The following CGAS variants were observed in gnomAD, a reference collection of about 807,000 sequenced individuals.
CGAS encodes 2'3'-cGAMP synthase.
A neutral mutation model predicts 34.0 loss-of-function variants in CGAS; 31 were observed. The observed-to-expected ratio is 0.91, with a 90% CI of 0.69 to 1.23. The LOEUF is 1.23. Among genes scored for constraint, CGAS ranks in the 50% most tolerant of loss-of-function variants. The pLI is 0.00. For missense variants in CGAS, 597 were observed against 657.6 expected, an observed-to-expected ratio of 0.91 and a Z score of 1.01; for synonymous variants, 266 against 260.0, an observed-to-expected ratio of 1.02 and a Z score of -0.22.
At chr6:73,436,114 C>T (rs1244619046) in intron 3 of CGAS, among the ~76,000 whole-genome samples, 2 of 151,734 alleles carry the variant, frequency 1.3e-5, no homozygotes, top group South Asian at 2.1e-4. Context: ...AGGAGTTCAG[C>T]TCCAAGAAGA....
At chr6:73,447,088 T>C (rs1770485541) in intron 1 of CGAS, among the ~76,000 whole-genome samples, 1 of 152,220 alleles carries the variant, frequency 6.6e-6, no homozygotes, top group South Asian at 2.1e-4. Flanking sequence ...TTAATCAGTT[T>C]GTCAATTTAA....
At chr6:73,435,058 C>T (rs755821695) in intron 3 of CGAS, among the ~76,000 whole-genome samples, 1 of 151,958 alleles carries the variant, frequency 6.6e-6, no homozygotes, top group African/African-American at 2.4e-5. Context: ...TGCAGTGGCA[C>T]GTGTCTGTAG....
intron 3 of CGAS, among the ~76,000 whole-genome samples, chr6:73,430,015 A>G (rs1044800417): frequency 6.6e-6 from 1 of 152,134 alleles, no homozygotes; most frequent in Non-Finnish European, 1.5e-5. Context: ...GTCTCAATAG[A>G]TGAAGAAAAT....
chr6:73,435,948 A>AT (rs1379175890), intron 3 of CGAS, among the ~76,000 whole-genome samples: 2 of 152,038 alleles, frequency 1.3e-5, no homozygotes, highest in African/African-American at 2.4e-5. Context: ...ACAGCTTATA[A>AT]TTTTTTTGCA....
intron 4 of CGAS, among the ~76,000 whole-genome samples, chr6:73,426,211 A>G (rs1770083639): frequency 6.6e-6 from 1 of 151,820 alleles, no homozygotes; most frequent in Admixed American, 6.6e-5. Flanking sequence ...TGAACCCAGG[A>G]GGCAGAGGTT....
In CGAS at chr6:73,425,155, T is replaced by G. The variant is rs1392123364; in HGVS notation, c.*72A>C. On this transcript the variant is annotated 3_prime_UTR_variant, in exon 5 of 5. Transcript: ENST00000370315. ...GGTGTGAGCCACAGCGTCTGGCCCCTTTTCAAATTTTTCTTGTATTCTCCA... is the reference window on the plus strand; with the variant it reads ...GGTGTGAGCCACAGCGTCTGGCCCCGTTTCAAATTTTTCTTGTATTCTCCA... 4 of 1,186,740 alleles carry G rather than the reference T, an allele frequency of 3.4e-6. No homozygotes were observed. Among genetic ancestry groups the G allele is most frequent in the Non-Finnish European group, 4.7e-6 (4 of 858,182 alleles). 73.5% of individuals were successfully genotyped at this position (1,186,740 alleles called of 1,614,324 possible).
intron 2 of CGAS, among the ~76,000 whole-genome samples, chr6:73,442,196 C>T (rs1372525002): frequency 2.0e-5 from 3 of 152,004 alleles, no homozygotes; most frequent in Non-Finnish European, 4.4e-5. Context: ...TCAAAGGCCA[C>T]CTCTGCCCAT....
chr6:73,440,336 G>A lies in CGAS; in HGVS notation c.987C>T (p.Ser329=), dbSNP rs755490599. 6 of 1,614,142 alleles carry A rather than the reference G, an allele frequency of 3.7e-6. No homozygotes were observed. The highest frequency in any genetic ancestry group is 5.1e-6 in the Non-Finnish European group (6 of 1,180,036). ...DITLALESKS[S]WPASTQEGLR... is the part of the protein sequence containing the mutation. The stretch of plus-strand genomic sequence containing the variant: ...GGCCTTCTTGGGTGCTAGCAGGCCA[G>A]CTACTTTTTGATTCCAAAGCCAGGG... Residue 329 remains serine, a synonymous_variant, in exon 3 of 5, where the codon AGC becomes AGT. Transcript: ENST00000370315.
chr6:73,449,510 A>ACACACACACAC (rs1562295259), intron 1 of CGAS, among the ~76,000 whole-genome samples: 4 of 43,814 alleles, frequency 9.1e-5, no homozygotes, highest in Non-Finnish European at 2.4e-4. Flanking sequence ...CACACACACA[A>ACACACACACAC]AGTGGTTCTG....
chr6:73,437,949 G>GT (rs1222935792), intron 3 of CGAS, among the ~76,000 whole-genome samples: 1 of 151,932 alleles, frequency 6.6e-6, no homozygotes, highest in East Asian at 1.9e-4. Flanking sequence ...CGCACCTGTA[G>GT]TCCCAGCTAC....
At chr6:73,446,370 G>A (rs1770470242) in intron 1 of CGAS, among the ~76,000 whole-genome samples, 1 of 151,074 alleles carries the variant, frequency 6.6e-6, no homozygotes, top group Non-Finnish European at 1.5e-5. Context: ...ATATGTGGTA[G>A]GGAATCAAGG....
In CGAS at chr6:73,451,596, T is replaced by C; in HGVS notation, c.586A>G (p.Arg196Gly). 1 of 1,613,864 alleles carries C rather than the reference T, an allele frequency of 6.2e-7. No individual in the cohort carries two copies. The highest frequency in any genetic ancestry group is 2.2e-5 in the East Asian group (1 of 44,852). The change falls in exon 1 of 5, where the codon AGA becomes GGA. Residue 196 changes from arginine (R) to glycine (G), a missense_variant. This residue lies in a region of CGAS where 321 missense variants were observed against 314.3 expected (regional missense o/e 1.02). Transcript: ENST00000370315. ...CTGAACGCGGAGTCGCACTTCAGTCTGAGCAGCAGGTGGTCCACAACCCCT... is the reference window on the plus strand; with the variant it reads ...CTGAACGCGGAGTCGCACTTCAGTCCGAGCAGCAGGTGGTCCACAACCCCT... ...VKGVVDHLLL[R>G]LKCDSAFRGV...
At chr6:73,430,436 T>C (rs1487185386) in intron 3 of CGAS, among the ~76,000 whole-genome samples, 2 of 152,062 alleles carry the variant, frequency 1.3e-5, no homozygotes, top group Non-Finnish European at 2.9e-5. Flanking sequence ...TGAAACACCA[T>C]ATCTACTAAA....
At chr6:73,451,499 C>T (rs757210499) in intron 1 of CGAS, 26 bp downstream of exon 1, 3 of 1,520,268 alleles carry the variant, frequency 2.0e-6, no homozygotes, top group South Asian at 2.5e-5. Flanking sequence ...CAGCGGGGCT[C>T]GGCGGGAGGG....
intron 3 of CGAS, among the ~76,000 whole-genome samples, chr6:73,434,294 T>C (rs1770243039): frequency 6.6e-6 from 1 of 152,178 alleles, no homozygotes; most frequent in Non-Finnish European, 1.5e-5. Context: ...ATCTGTGGAC[T>C]TCGGTGTCTG....
intron 4 of CGAS, among the ~76,000 whole-genome samples, chr6:73,428,186 T>C (rs975087316): frequency 1.3e-5 from 2 of 150,914 alleles, no homozygotes; most frequent in African/African-American, 2.4e-5. Flanking sequence ...ATTGTGCCAC[T>C]GCACTCCAGT....
intron 4 of CGAS, 65 bp downstream of exon 4, chr6:73,428,644 G>A: frequency 6.9e-7 from 1 of 1,455,636 alleles, no homozygotes; most frequent in South Asian, 1.2e-5. Context: ...GGTCTGAGGT[G>A]TGGAGTCAAC....
intron 2 of CGAS, 96 bp from the exon 3 acceptor site, chr6:73,440,541 T>C (rs1356202135): frequency 9.1e-7 from 1 of 1,094,518 alleles, no homozygotes; most frequent in African/African-American, 1.6e-5. Context: ...AGATCTCTGG[T>C]GTGCTAAGTA....
chr6:73,451,850 C>T lies in CGAS; in HGVS notation c.332G>A (p.Arg111Gln). The T allele has an allele frequency of 6.5e-7, 1 of 1,550,124 alleles. No individual in the cohort carries two copies. The highest frequency in any genetic ancestry group is 8.7e-7 in the Non-Finnish European group (1 of 1,147,290). Residue 111 changes from arginine to glutamine, a missense_variant, in exon 1 of 5, where the codon CGG (arginine) becomes CAG (glutamine). Physicochemically the swap from Arg to Gln is conservative, Grantham distance 43. Around this residue, in one of 3 missense-constraint regions of CGAS, gnomAD observed 321 missense variants for 314.3 expected, o/e 1.02. Coordinates refer to ENST00000370315, the MANE Select transcript of CGAS (RefSeq NM_138441.3). Reference sequence around the variant, plus strand: ...ACCAGCCCTGGAAAGAGCCGGCTCCCGAGCCGCAGGAGGCTCCAGCCCCTC... The same window carrying T: ...ACCAGCCCTGGAAAGAGCCGGCTCCTGAGCCGCAGGAGGCTCCAGCCCCTC... The part of the protein sequence containing the change: ...GAEGLEPPAA[R>Q]EPALSRAGSC...
Sources: gnomAD v4.1 joint callset for allele counts (sites outside exome capture counted in the v4.1 genomes callset) on GRCh38, gnomAD v4.1.1 for gene constraint, gnomAD v4.1.1 regional missense constraint, MANE v1.5 for transcripts, NCBI Gene and HGNC (gene_info 2026-07-23, HGNC 2026-07-21) for gene names.